GABRB2: variants seen among roughly 807,000 people sequenced by gnomAD.
GABRB2 encodes gamma-aminobutyric acid type A receptor subunit beta2, also known as gamma-aminobutyric acid receptor subunit beta-2.
A neutral mutation model predicts 54.7 loss-of-function variants in GABRB2; 16 were observed. That is an observed-to-expected ratio of 0.29 (90% CI 0.20 to 0.44). The LOEUF (loss-of-function observed/expected upper bound fraction) is 0.44, where lower values mean the gene tolerates loss of function less well. Among genes scored for constraint, GABRB2 ranks in the 20% least tolerant of loss-of-function variants. The pLI is 1.00. For synonymous variants in GABRB2, 244 were observed against 233.8 expected (o/e 1.04, Z -0.40); for missense variants, 355 against 644.0 (o/e 0.55, Z 4.86).
chr5:161,334,733 C>G lies in GABRB2; in HGVS notation c.832+19G>C. 6.2e-7 allele frequency: 1 copy of G among 1,611,242 alleles called. No homozygotes were observed. Among genetic ancestry groups the G allele is most frequent in the East Asian group, 2.2e-5 (1 of 44,850 alleles). The stretch of plus-strand genomic sequence containing the variant: ...TACACACAGAGTCAAAATCCACAAG[C>G]AGTAATAAAATGGCCTACCTAATGC... On this transcript the variant is annotated intron_variant, in intron 7 of 9. Coordinates refer to ENST00000393959, the MANE Select transcript of GABRB2 (RefSeq NM_001371727.1).
At chr5:161,497,272 C>A (rs533303366) in intron 3 of GABRB2, among the ~76,000 whole-genome samples, 3 of 152,178 alleles carry the variant, frequency 2.0e-5, no homozygotes, top group African/African-American at 7.2e-5. Flanking sequence ...TAACATCTGG[C>A]AAACCTCTCC....
intron 3 of GABRB2, among the ~76,000 whole-genome samples, chr5:161,477,284 C>CAAAAAAAAAAAAA (rs70990786): frequency 2.3e-5 from 3 of 127,848 alleles, no homozygotes; most frequent in East Asian, 2.3e-4. Flanking sequence ...CAAACAAAAG[C>CAAAAAAAAAAAAA]AAAAAAAAAA....
rs1580951059 is a variant in GABRB2 at position 161,291,080 on chromosome 5, T to C, written c.*3001A>G. On this transcript the variant is annotated 3_prime_UTR_variant, in exon 10 of 10. Coordinates refer to ENST00000393959, the MANE Select transcript of GABRB2 (RefSeq NM_001371727.1). ...TTCCTTATGCAAACACATGATTATGTTGCATGAGTTTTCAACTCTGAAATG... is the reference window on the plus strand; with the variant it reads ...TTCCTTATGCAAACACATGATTATGCTGCATGAGTTTTCAACTCTGAAATG... 2.0e-5 allele frequency: 3 copies of C among 152,560 alleles called. No individual in the cohort carries two copies. The highest frequency in any genetic ancestry group is 4.8e-5 in the African/African-American group (2 of 41,442). 9.5% of individuals were successfully genotyped at this position (152,560 alleles called of 1,614,324 possible).
chr5:161,387,686 G>A (rs1277282819), intron 5 of GABRB2, among the ~76,000 whole-genome samples: 6 of 152,128 alleles, frequency 3.9e-5, no homozygotes, highest in Admixed American at 3.3e-4. Context: ...CATCTTTCAT[G>A]TCAAACTGTT....
chr5:161,489,200 T>C (rs1257456261), intron 3 of GABRB2, among the ~76,000 whole-genome samples: 1 of 151,722 alleles, frequency 6.6e-6, no homozygotes, highest in Non-Finnish European at 1.5e-5. Context: ...AAGATCAGCC[T>C]AGTTTTTGCT....
chr5:161,449,976 A>G (rs1482208383), intron 4 of GABRB2, among the ~76,000 whole-genome samples: 4 of 152,200 alleles, frequency 2.6e-5, no homozygotes, highest in Non-Finnish European at 5.9e-5. Flanking sequence ...TATCAATGCT[A>G]TATATAGATA....
chr5:161,327,070 A>ACG, intron 8 of GABRB2: 1 of 584,354 alleles, frequency 1.7e-6, no homozygotes, highest in South Asian at 7.4e-5. Context: ...ACACACACAC[A>ACG]CACACAAACT....
chr5:161,483,408 G>A (rs192029992), intron 3 of GABRB2, among the ~76,000 whole-genome samples: 1 of 152,070 alleles, frequency 6.6e-6, no homozygotes, highest in Non-Finnish European at 1.5e-5. Context: ...TAAAGAAAAG[G>A]ATTCGTTATT....
rs369229390 is a variant in GABRB2, at chr5:161,372,676, A to G, written c.542-35907T>C. 2.0e-5 allele frequency among the ~76,000 whole-genome samples: 3 copies of G among 152,306 alleles called. No homozygotes were observed. The South Asian group carries it at 6.2e-4, about 32-fold the overall frequency. On this transcript the variant is annotated intron_variant, in intron 5 of 9. Transcript: ENST00000393959. ...AATAAAAGCAGTTAGTATTTACTCA[A>G]TGCTTACTCTGTTCCAGACACTGTT...
chr5:161,467,297 T>C (rs1019801113), intron 3 of GABRB2, among the ~76,000 whole-genome samples: 6 of 152,102 alleles, frequency 3.9e-5, no homozygotes, highest in African/African-American at 1.4e-4. Flanking sequence ...TTCATCTTAA[T>C]TACCGCTTGT....
chr5:161,465,092 G>T (rs1758239955), intron 3 of GABRB2, among the ~76,000 whole-genome samples: 1 of 151,844 alleles, frequency 6.6e-6, no homozygotes, highest in Admixed American at 6.6e-5. Flanking sequence ...TAGTCTCTGG[G>T]GTCAGACACA....
intron 4 of GABRB2, among the ~76,000 whole-genome samples, chr5:161,425,685 G>T (rs114218170): frequency 1.6e-3 from 248 of 152,006 alleles, no homozygotes; most frequent in African/African-American, 5.9e-3. Flanking sequence ...ATATCTCTGA[G>T]GTATGCCTCA....
chr5:161,461,446 T>G (rs1021803907), intron 3 of GABRB2, among the ~76,000 whole-genome samples: 1 of 152,148 alleles, frequency 6.6e-6, no homozygotes, highest in African/African-American at 2.4e-5. Context: ...TTCTTTTAGT[T>G]TCAGTTCCAT....
intron 3 of GABRB2, among the ~76,000 whole-genome samples, chr5:161,513,477 C>G (rs1759840125): frequency 2.6e-5 from 4 of 152,062 alleles, no homozygotes; most frequent in Admixed American, 2.6e-4. Flanking sequence ...ATGTCAGTTG[C>G]TGCAACATGG....
chr5:161,325,825 T>C (rs1379461204), intron 9 of GABRB2, among the ~76,000 whole-genome samples: 1 of 152,142 alleles, frequency 6.6e-6, no homozygotes, highest in Non-Finnish European at 1.5e-5. Context: ...CAATGTCAAT[T>C]ATTGGCTTTT....
chr5:161,498,356 T>C (rs2113371216), intron 3 of GABRB2, among the ~76,000 whole-genome samples: 1 of 152,258 alleles, frequency 6.6e-6, no homozygotes, highest in Non-Finnish European at 1.5e-5. Context: ...TTTAGTTTTT[T>C]TTTTTTAGCT....
At chr5:161,397,105 A>G (rs1293470466) in intron 5 of GABRB2, among the ~76,000 whole-genome samples, 1 of 152,218 alleles carries the variant, frequency 6.6e-6, no homozygotes, top group Non-Finnish European at 1.5e-5. Flanking sequence ...ACATTTTATC[A>G]ATGTATCTTC....
intron 4 of GABRB2, among the ~76,000 whole-genome samples, chr5:161,426,429 C>T (rs1022214652): frequency 1.3e-5 from 2 of 152,018 alleles, no homozygotes; most frequent in Admixed American, 6.6e-5. Context: ...AAAACTGGAA[C>T]TGAGAGAACC....
At chr5:161,357,048 A>G (rs1021618356) in intron 5 of GABRB2, among the ~76,000 whole-genome samples, 1 of 152,218 alleles carries the variant, frequency 6.6e-6, no homozygotes, top group Non-Finnish European at 1.5e-5. Flanking sequence ...GAGATGGGCT[A>G]TGGATAACAG....
Sources: allele counts gnomAD v4.1 joint callset (sites outside exome capture counted in the v4.1 genomes callset), GRCh38; gene constraint gnomAD v4.1.1; transcripts MANE v1.5; gene names NCBI Gene and HGNC (gene_info 2026-07-23, HGNC 2026-07-21).